ANK3: variants seen among roughly 807,000 people sequenced by gnomAD.
The protein encoded by ANK3 is ankyrin-3.
Under a neutral mutation model 370.9 loss-of-function variants are expected in ANK3, and 57 were observed. That is an observed-to-expected ratio of 0.15 (90% CI 0.12 to 0.19). The LOEUF (loss-of-function observed/expected upper bound fraction) is 0.19. Among genes scored for constraint, ANK3 ranks in the 10% least tolerant of loss-of-function variants. The probability of loss-of-function intolerance (pLI) is 1.00; values close to 1 mark genes in which losing one functional copy is unlikely to be tolerated. For synonymous variants in ANK3, 1,929 were observed against 1,946.3 expected, an observed-to-expected ratio of 0.99 and a Z score of 0.23; for missense variants, 4,439 against 5,302.1, an observed-to-expected ratio of 0.84 and a Z score of 5.06.
intron 2 of ANK3, among the ~76,000 whole-genome samples, chr10:60,502,558 T>C (rs978932234): frequency 2.6e-5 from 4 of 152,152 alleles, no homozygotes; most frequent in Admixed American, 6.5e-5. Flanking sequence ...CAGATGCCTA[T>C]AGTCCCAGCA....
At chr10:60,623,795 C>A (rs1366860066) in intron 1 of ANK3, among the ~76,000 whole-genome samples, 1 of 152,182 alleles carries the variant, frequency 6.6e-6, no homozygotes, top group Non-Finnish European at 1.5e-5. Flanking sequence ...TTGGGATATC[C>A]TGCAGGAAAA....
intron 2 of ANK3, among the ~76,000 whole-genome samples, chr10:60,607,155 A>G (rs1240273978): frequency 6.6e-6 from 1 of 152,214 alleles, no homozygotes; most frequent in Non-Finnish European, 1.5e-5. Flanking sequence ...AGAAAGCATT[A>G]TCTTCCAGTC....
intron 23 of ANK3, among the ~76,000 whole-genome samples, chr10:60,151,035 T>C (rs1346347003): frequency 1.3e-5 from 2 of 152,172 alleles, no homozygotes; most frequent in Admixed American, 1.3e-4. Flanking sequence ...TTAGGACTAA[T>C]AGTACTTTAA....
At chr10:60,695,715 C>A (rs1482887477) in intron 1 of ANK3, among the ~76,000 whole-genome samples, 1 of 152,138 alleles carries the variant, frequency 6.6e-6, no homozygotes, top group Non-Finnish European at 1.5e-5. Flanking sequence ...AGAACAAAGA[C>A]ACAACATACC....
chr10:60,128,540 T>C (rs1451562289), intron 25 of ANK3, among the ~76,000 whole-genome samples: 1 of 151,842 alleles, frequency 6.6e-6, no homozygotes, highest in African/African-American at 2.4e-5. Flanking sequence ...CCACTACCAC[T>C]CGGCTAATTT....
Position 60,226,510 on chromosome 10 carries a change from C to CT in ANK3, c.897+8177_897+8178insA, listed in dbSNP as rs1261231957. 3.3e-3 allele frequency among the ~76,000 whole-genome samples: 173 copies of CT among 51,658 alleles called. 2 individuals are homozygous for CT. Among genetic ancestry groups the CT allele is most frequent in the Middle Eastern group, 0.02 (1 of 50 alleles). 33.9% of individuals were successfully genotyped at this position (51,658 alleles called of 152,430 possible). On this transcript the variant is annotated intron_variant, in intron 8 of 43. Coordinates refer to ENST00000280772, the MANE Select transcript of ANK3 (RefSeq NM_020987.5). ...ATATACATATACTATAGTATATATA[C>CT]ATAGTATATATACTATAGTATATAT...
intron 25 of ANK3, among the ~76,000 whole-genome samples, chr10:60,121,250 T>C (rs1394104463): frequency 5.3e-5 from 8 of 151,998 alleles, no homozygotes; most frequent in African/African-American, 1.7e-4. Flanking sequence ...TCTCACTGAT[T>C]TGTGAAAGCT....
intron 2 of ANK3, among the ~76,000 whole-genome samples, chr10:60,612,435 C>G (rs577329017): frequency 9.7e-4 from 148 of 152,238 alleles, no homozygotes; most frequent in South Asian, 1.9e-3. Context: ...AAGGTATCAA[C>G]TCTCACCTCT....
At chr10:60,393,565 C>T (rs367969561), upstream of ANK3, among the ~76,000 whole-genome samples, 23 of 152,126 alleles carry the variant, frequency 1.5e-4, no homozygotes, top group African/African-American at 5.5e-4. Flanking sequence ...CTAAATATTC[C>T]ACCAAAAATA....
At chr10:60,650,379 AAAAAAAAAT>A (rs1178483395) in intron 1 of ANK3, among the ~76,000 whole-genome samples, 14 of 144,288 alleles carry the variant, frequency 9.7e-5, no homozygotes, top group African/African-American at 3.1e-4. Context: ...AAAAAAAAAA[AAAAAAAAAT>A]TTACAAGCTC....
chr10:60,309,424 T>C (rs1194965757), intron 1 of ANK3, among the ~76,000 whole-genome samples: 1 of 152,272 alleles, frequency 6.6e-6, no homozygotes, highest in Non-Finnish European at 1.5e-5. Context: ...CTTAGCTAGA[T>C]GAACTTGACT....
chr10:60,526,330 G>A (rs1197398921), intron 2 of ANK3, among the ~76,000 whole-genome samples: 1 of 152,010 alleles, frequency 6.6e-6, no homozygotes, highest in East Asian at 1.9e-4. Flanking sequence ...AATGTTATTG[G>A]AACAATGAAA....
At chr10:60,359,030 T>C (rs558514829) in intron 1 of ANK3, among the ~76,000 whole-genome samples, 3 of 152,296 alleles carry the variant, frequency 2.0e-5, no homozygotes, top group Admixed American at 6.5e-5. Flanking sequence ...TATTGGCTTA[T>C]TGTTCACATG....
chr10:60,216,225 G>A (rs1324399607), intron 8 of ANK3, among the ~76,000 whole-genome samples: 1 of 152,144 alleles, frequency 6.6e-6, no homozygotes. Flanking sequence ...GAGATAATTT[G>A]ACTTCCTCTC....
intron 1 of ANK3, among the ~76,000 whole-genome samples, chr10:60,694,591 T>A (rs2079414477): frequency 1.3e-5 from 2 of 152,118 alleles, no homozygotes; most frequent in Admixed American, 6.5e-5. Flanking sequence ...GGGGCCAATA[T>A]TCAACATTCT....
chr10:60,359,686 C>G (rs1029432929), intron 1 of ANK3, among the ~76,000 whole-genome samples: 3 of 152,052 alleles, frequency 2.0e-5, no homozygotes, highest in African/African-American at 7.2e-5. Flanking sequence ...CCTGTAATCC[C>G]AGGACTTTGG....
chr10:60,719,749 A>G (rs531619343), intron 1 of ANK3, among the ~76,000 whole-genome samples: 1 of 152,274 alleles, frequency 6.6e-6, no homozygotes, highest in Non-Finnish European at 1.5e-5. Flanking sequence ...CACATTTTAA[A>G]TATTTTATTA....
chr10:60,531,512 A>G (rs2076605875), intron 2 of ANK3, among the ~76,000 whole-genome samples: 1 of 152,092 alleles, frequency 6.6e-6, no homozygotes, highest in African/African-American at 2.4e-5. Flanking sequence ...CTGTTTATAC[A>G]TTTTATTTTT....
intron 2 of ANK3, among the ~76,000 whole-genome samples, chr10:60,534,660 T>C (rs1555388198): frequency 6.6e-6 from 1 of 152,152 alleles, no homozygotes; most frequent in Non-Finnish European, 1.5e-5. Flanking sequence ...GCTTGTCAGT[T>C]CTACCTGAGA....
Sources: gnomAD v4.1 joint callset for allele counts (sites outside exome capture counted in the v4.1 genomes callset) on GRCh38, gnomAD v4.1.1 for gene constraint, MANE v1.5 for transcripts, NCBI Gene and HGNC (gene_info 2026-07-23, HGNC 2026-07-21) for gene names.